KIAA1671: variants seen among roughly 807,000 people sequenced by gnomAD.
KIAA1671 encodes uncharacterized protein KIAA1671.
A neutral mutation model predicts 131.2 loss-of-function variants in KIAA1671; 52 were observed. The ratio of observed to expected loss-of-function variants is 0.40; its 90% confidence interval spans 0.32 to 0.50. The LOEUF is 0.50. Ranked by LOEUF, KIAA1671 falls within the 20% of genes least tolerant of loss-of-function variation. KIAA1671 has a pLI of 0.73. For missense variants in KIAA1671, 2,360 were observed against 2,364.2 expected (o/e 1.00, Z 0.04); for synonymous variants, 1,003 against 961.6 (o/e 1.04, Z -0.80).
intron 11 of KIAA1671, among the ~76,000 whole-genome samples, chr22:25,187,038 T>C (rs1330751625): frequency 6.6e-6 from 1 of 152,164 alleles, no homozygotes; most frequent in Non-Finnish European, 1.5e-5. Flanking sequence ...GGGGCCCTCT[T>C]CTTCCTCATT....
chr22:25,042,099 C>G (rs367668662), intron 5 of KIAA1671, among the ~76,000 whole-genome samples: 1 of 152,150 alleles, frequency 6.6e-6, no homozygotes. Flanking sequence ...CCTCATTTAT[C>G]AAGAGAATCT....
chr22:25,020,447 A>C (rs1200457176), intron 1 of KIAA1671, among the ~76,000 whole-genome samples: 1 of 152,126 alleles, frequency 6.6e-6, no homozygotes, highest in Non-Finnish European at 1.5e-5. Flanking sequence ...GTCTACATTG[A>C]ATATTATTTT....
intron 6 of KIAA1671, among the ~76,000 whole-genome samples, chr22:25,166,346 G>A (rs1204054241): frequency 6.6e-6 from 1 of 152,108 alleles, no homozygotes; most frequent in Non-Finnish European, 1.5e-5. Context: ...AAACCTCTGT[G>A]GGGGAGGGCA....
intron 6 of KIAA1671, among the ~76,000 whole-genome samples, chr22:25,118,175 C>T (rs576259653): frequency 9.2e-5 from 14 of 151,628 alleles, no homozygotes; most frequent in African/African-American, 3.2e-4. Flanking sequence ...CAGCAGTCAA[C>T]GCCTCCCTCC....
chr22:25,049,427 G>A (rs1159278460), intron 6 of KIAA1671, 63 bp downstream of exon 6: 24 of 1,517,040 alleles, frequency 1.6e-5, no homozygotes, highest in Middle Eastern at 1.8e-4. Context: ...ACACTGCTGT[G>A]AATGTGGTTG....
In KIAA1671 at chr22:25,164,978, CGTGTGT is replaced by C. The variant is rs59765745; in HGVS notation, c.4531-5803_4531-5798del. Among the ~76,000 whole-genome samples the C allele has an allele frequency of 6.8e-3, 793 of 116,582 alleles. 10 individuals are homozygous for C. Among genetic ancestry groups the C allele is most frequent in the African/African-American group, 0.014 (419 of 30,856 alleles). The allele number at this position is 116,582 out of a possible 152,430, so 76.5% of individuals were successfully genotyped here. A position where few individuals can be genotyped will look rare whatever the true frequency, so the allele number is the denominator to read the frequency against. On this transcript the variant is annotated intron_variant, in intron 6 of 12. Transcript: ENST00000358431. ...AAAAAAAAAGAGAGAGAGTTGCAGG[CGTGTGT>C]GTGTGTGTGTGTGTGTGTGTGTGTG...
At chr22:24,989,981 C>T (rs1923752727) in intron 1 of KIAA1671, among the ~76,000 whole-genome samples, 1 of 152,182 alleles carries the variant, frequency 6.6e-6, no homozygotes. Context: ...ACATTAAAAA[C>T]ATATTCTTTT....
chr22:25,150,937 A>G (rs1184801209), intron 6 of KIAA1671, among the ~76,000 whole-genome samples: 11 of 147,506 alleles, frequency 7.5e-5, no homozygotes, highest in Non-Finnish European at 1.6e-4. Flanking sequence ...GGTTCACACC[A>G]TTCTCCTGCC....
intron 6 of KIAA1671, among the ~76,000 whole-genome samples, chr22:25,093,737 A>ACTCTCTCTCTCT (rs1326086246): frequency 4.6e-4 from 14 of 30,136 alleles, no homozygotes; most frequent in East Asian, 7.7e-4. Context: ...ACACACACAC[A>ACTCTCTCTCTCT]CTCTCTCTCT....
chr22:25,045,254 C>A (rs1927160309), intron 5 of KIAA1671, among the ~76,000 whole-genome samples: 1 of 152,190 alleles, frequency 6.6e-6, no homozygotes, highest in African/African-American at 2.4e-5. Context: ...CTGGGGAACA[C>A]CCCTCTAGGC....
chr22:25,072,753 T>C (rs1928898058), intron 6 of KIAA1671, among the ~76,000 whole-genome samples: 1 of 152,144 alleles, frequency 6.6e-6, no homozygotes, highest in Non-Finnish European at 1.5e-5. Flanking sequence ...TTGGGGCAAT[T>C]CCTTTGAATT....
intron 1 of KIAA1671, among the ~76,000 whole-genome samples, chr22:24,970,657 G>A (rs1196387227): frequency 2.7e-5 from 4 of 150,092 alleles, no homozygotes; most frequent in Non-Finnish European, 5.9e-5. Flanking sequence ...GGCTTCCCTG[G>A]GCCACACTGG....
intron 6 of KIAA1671, among the ~76,000 whole-genome samples, chr22:25,108,279 C>T (rs765152540): frequency 6.6e-5 from 10 of 152,158 alleles, no homozygotes; most frequent in Non-Finnish European, 1.3e-4. Flanking sequence ...ATTTCCCACC[C>T]CGATGTCCAG....
intron 4 of KIAA1671, among the ~76,000 whole-genome samples, chr22:25,037,717 T>A (rs1926691644): frequency 6.6e-6 from 1 of 152,134 alleles, no homozygotes; most frequent in Admixed American, 6.6e-5. Flanking sequence ...GTATATATAT[T>A]TATATTTATA....
intron 1 of KIAA1671, among the ~76,000 whole-genome samples, chr22:24,979,988 C>G (rs1923142857): frequency 6.7e-6 from 1 of 148,500 alleles, no homozygotes; most frequent in Non-Finnish European, 1.5e-5. Flanking sequence ...TTTCTTGAGA[C>G]TGTGTCTTGC....
At chr22:24,972,768 T>A (rs1275351520) in intron 1 of KIAA1671, among the ~76,000 whole-genome samples, 1 of 152,180 alleles carries the variant, frequency 6.6e-6, no homozygotes, top group Non-Finnish European at 1.5e-5. Flanking sequence ...GCACCAAGGA[T>A]GCAGCAGGGT....
intron 1 of KIAA1671, among the ~76,000 whole-genome samples, chr22:25,000,209 T>TAAA (rs1241803812): frequency 8.3e-5 from 6 of 72,262 alleles, no homozygotes; most frequent in Middle Eastern, 8.3e-3. Flanking sequence ...TTTTTTTTTT[T>TAAA]TTGAGACGGA....
intron 6 of KIAA1671, 129 bp downstream of exon 6, chr22:25,049,493 TC>T: frequency 2.9e-6 from 3 of 1,042,482 alleles, no homozygotes; most frequent in Non-Finnish European, 4.1e-6. Context: ...CAGGCAACTG[TC>T]CAGGAATCTG....
chr22:25,185,403 C>G (rs2146043190), intron 11 of KIAA1671: 1 of 399,064 alleles, frequency 2.5e-6, no homozygotes, highest in African/African-American at 2.1e-5. Context: ...TGGAGAACTA[C>G]TGATCTAGTT....
Sources: gnomAD v4.1 joint callset for allele counts (sites outside exome capture counted in the v4.1 genomes callset) on GRCh38, gnomAD v4.1.1 for gene constraint, MANE v1.5 for transcripts, NCBI Gene and HGNC (gene_info 2026-07-23, HGNC 2026-07-21) for gene names.